Variants in KLF12 observed in about 807,000 individuals in gnomAD.
KLF12 encodes the protein KLF transcription factor 12.
In KLF12, 9 loss-of-function variants were observed where a neutral mutation model predicts 37.8. The observed-to-expected ratio is 0.24, with a 90% CI of 0.14 to 0.42. KLF12 has a LOEUF of 0.42. Ranked by LOEUF, KLF12 falls within the 10% of genes least tolerant of loss-of-function variation. KLF12 has a pLI of 1.00. For missense variants in KLF12, 411 were observed against 516.0 expected (o/e 0.80, Z 1.97); for synonymous variants, 208 against 202.1 (o/e 1.03, Z -0.25).
At chr13:74,026,243 A>C (rs1375083519) in intron 1 of KLF12, among the ~76,000 whole-genome samples, 2 of 152,136 alleles carry the variant, frequency 1.3e-5, no homozygotes, top group African/African-American at 4.8e-5. Context: ...TGTGTAGAAA[A>C]ATAAAGAGGG....
chr13:74,012,394 A>G (rs1005620053), intron 1 of KLF12, among the ~76,000 whole-genome samples: 12 of 152,192 alleles, frequency 7.9e-5, no homozygotes, highest in Non-Finnish European at 1.6e-4. Context: ...ATAACCCAAT[A>G]TCTATTCCTG....
At chr13:73,949,619 C>T (rs936457791) in intron 2 of KLF12, among the ~76,000 whole-genome samples, 4 of 152,136 alleles carry the variant, frequency 2.6e-5, no homozygotes, top group Admixed American at 6.5e-5. Flanking sequence ...TTCAATGAAA[C>T]GCTAACTTCA....
intron 1 of KLF12, among the ~76,000 whole-genome samples, chr13:74,124,092 C>T (rs915086039): frequency 2.0e-5 from 3 of 152,156 alleles, no homozygotes; most frequent in African/African-American, 7.2e-5. Context: ...AGGTAACGGC[C>T]TCAGCCTAAA....
intron 2 of KLF12, among the ~76,000 whole-genome samples, chr13:73,968,774 A>G: frequency 6.6e-6 from 1 of 152,088 alleles, no homozygotes; most frequent in East Asian, 1.9e-4. Flanking sequence ...GTCTATTACT[A>G]TCATCATCAG....
chr13:74,151,447 T>A, the KLF12 span, among the ~76,000 whole-genome samples: 1 of 151,982 alleles, frequency 6.6e-6, no homozygotes, highest in Non-Finnish European at 1.5e-5. Flanking sequence ...CCCCAGGAGT[T>A]TGAGACCAGC....
At chr13:74,099,474 G>C (rs1341537703) in intron 1 of KLF12, among the ~76,000 whole-genome samples, 1 of 152,156 alleles carries the variant, frequency 6.6e-6, no homozygotes, top group Non-Finnish European at 1.5e-5. Flanking sequence ...ACCACGAGAA[G>C]AACACTATGT....
At chr13:74,265,848 T>C in the KLF12 span, among the ~76,000 whole-genome samples, 69 of 152,298 alleles carry the variant, frequency 4.5e-4, no homozygotes, top group Non-Finnish European at 7.1e-4. Context: ...CCTTCCTTAC[T>C]AAAAGAAAAA....
At chr13:73,696,252 A>T (rs1301307870) in intron 7 of KLF12, among the ~76,000 whole-genome samples, 1 of 152,152 alleles carries the variant, frequency 6.6e-6, no homozygotes, top group Non-Finnish European at 1.5e-5. Flanking sequence ...TTTGGGGGAA[A>T]ATCCTAGATG....
chr13:74,161,361 G>C, the KLF12 span, among the ~76,000 whole-genome samples: 1 of 152,012 alleles, frequency 6.6e-6, no homozygotes, highest in South Asian at 2.1e-4. Context: ...TTTAGGGTGG[G>C]CCCTAAATTT....
intron 1 of KLF12, among the ~76,000 whole-genome samples, chr13:73,998,251 C>T (rs1260907891): frequency 6.6e-6 from 1 of 152,136 alleles, no homozygotes; most frequent in Non-Finnish European, 1.5e-5. Context: ...TTCATCACAT[C>T]TTAAATGATC....
At chr13:73,730,281 T>A (rs1334493657) in intron 6 of KLF12, among the ~76,000 whole-genome samples, 1 of 152,132 alleles carries the variant, frequency 6.6e-6, no homozygotes, top group Non-Finnish European at 1.5e-5. Context: ...GATTTCTTAC[T>A]CCACCCCCAT....
chr13:74,174,662 A>T, the KLF12 span, among the ~76,000 whole-genome samples: 3,685 of 152,230 alleles, frequency 0.024, 159 homozygotes, highest in African/African-American at 0.082. Flanking sequence ...CAAGAGCAAC[A>T]GATGGTTTAA....
At chr13:74,281,499 G>C in the KLF12 span, among the ~76,000 whole-genome samples, 1 of 152,186 alleles carries the variant, frequency 6.6e-6, no homozygotes, top group Non-Finnish European at 1.5e-5. Flanking sequence ...TAGGGATAAA[G>C]TAAGTACTAG....
At chr13:74,108,876 T>C (rs953825421) in intron 1 of KLF12, among the ~76,000 whole-genome samples, 4 of 152,120 alleles carry the variant, frequency 2.6e-5, no homozygotes, top group East Asian at 3.8e-4. Context: ...CAAGGTAGCA[T>C]AGGTGGAAGA....
At chr13:74,290,186 A>G in the KLF12 span, among the ~76,000 whole-genome samples, 1 of 152,192 alleles carries the variant, frequency 6.6e-6, no homozygotes, top group Non-Finnish European at 1.5e-5. Context: ...AATTGGAGGG[A>G]TTCCAAGTTT....
chr13:73,889,916 A>G (rs1425916411), intron 3 of KLF12, among the ~76,000 whole-genome samples: 1 of 152,100 alleles, frequency 6.6e-6, no homozygotes, highest in Non-Finnish European at 1.5e-5. Flanking sequence ...ATTTTTAAAT[A>G]AAAAAAGAAC....
chr13:74,292,188 TC>T, the KLF12 span, among the ~76,000 whole-genome samples: 3 of 152,176 alleles, frequency 2.0e-5, no homozygotes, highest in African/African-American at 7.2e-5. Context: ...GAATTTTGAT[TC>T]AAGAGCTCTC....
At chr13:73,864,044 T>G (rs1886057028) in intron 3 of KLF12, among the ~76,000 whole-genome samples, 1 of 152,192 alleles carries the variant, frequency 6.6e-6, no homozygotes, top group Non-Finnish European at 1.5e-5. Flanking sequence ...TAACCTTGAT[T>G]CTACAGTTTT....
intron 3 of KLF12, among the ~76,000 whole-genome samples, chr13:73,853,253 CTT>C (rs1885431578): frequency 6.6e-6 from 1 of 152,168 alleles, no homozygotes; most frequent in Non-Finnish European, 1.5e-5. Flanking sequence ...AGTTCTCTTA[CTT>C]CCTAATAGTT....
Sources: allele counts gnomAD v4.1 joint callset (sites outside exome capture counted in the v4.1 genomes callset), GRCh38; gene constraint gnomAD v4.1.1; transcripts MANE v1.5; gene names NCBI Gene and HGNC (gene_info 2026-07-23, HGNC 2026-07-21).